Variants in TRPM3 observed in about 807,000 individuals in gnomAD.
TRPM3 encodes transient receptor potential cation channel subfamily M member 3.
In TRPM3, 77 loss-of-function variants were observed where a neutral mutation model predicts 181.2. That is an observed-to-expected ratio of 0.42 (90% CI 0.35 to 0.51). TRPM3 has a LOEUF of 0.51. Ranked by LOEUF, TRPM3 falls within the 20% of genes least tolerant of loss-of-function variation. TRPM3 has a pLI of 0.01. For synonymous variants in TRPM3, 745 were observed against 796.4 expected, an observed-to-expected ratio of 0.94 and a Z score of 1.09; for missense variants, 1,759 against 2,196.7, an observed-to-expected ratio of 0.80 and a Z score of 3.98.
At chr9:71,231,069 TACAATATACAC>T (rs1437294974) in intron 1 of TRPM3, among the ~76,000 whole-genome samples, 1 of 152,194 alleles carries the variant, frequency 6.6e-6, no homozygotes, top group Non-Finnish European at 1.5e-5. Context: ...TACTTTGACA[TACAATATACAC>T]ACAATATACA....
chr9:71,388,148 G>A (rs1044790797), intron 1 of TRPM3, among the ~76,000 whole-genome samples: 2 of 152,088 alleles, frequency 1.3e-5, no homozygotes, highest in Non-Finnish European at 2.9e-5. Flanking sequence ...AAAGAGGAAC[G>A]ACCAGTTATA....
chr9:71,345,250 A>C (rs1363230920), intron 1 of TRPM3, among the ~76,000 whole-genome samples: 1 of 152,232 alleles, frequency 6.6e-6, no homozygotes, highest in Non-Finnish European at 1.5e-5. Flanking sequence ...GTATATGCCC[A>C]AAGGATTACA....
At chr9:70,657,038 G>A (rs531187136) in intron 9 of TRPM3, among the ~76,000 whole-genome samples, 14 of 151,514 alleles carry the variant, frequency 9.2e-5, no homozygotes, top group Admixed American at 2.6e-4. Flanking sequence ...AAAGAGGGAC[G>A]TTCAGGACAA....
At chr9:70,691,364 T>C (rs1269464472) in intron 8 of TRPM3, among the ~76,000 whole-genome samples, 1 of 130,584 alleles carries the variant, frequency 7.7e-6, no homozygotes, top group Non-Finnish European at 1.7e-5. Flanking sequence ...AAGGATATTT[T>C]ATTTTACAAT....
intron 1 of TRPM3, among the ~76,000 whole-genome samples, chr9:71,189,005 T>C (rs2077850365): frequency 6.6e-6 from 1 of 151,888 alleles, no homozygotes; most frequent in Non-Finnish European, 1.5e-5. Context: ...AAGACATTGA[T>C]TGTTCTCATT....
intron 1 of TRPM3, among the ~76,000 whole-genome samples, chr9:71,174,839 C>T (rs892275171): frequency 2.0e-5 from 3 of 152,034 alleles, no homozygotes; most frequent in African/African-American, 7.2e-5. Flanking sequence ...GAGGGCCACA[C>T]ATTAAGTATG....
chr9:70,604,936 G>A (rs2132826489), intron 19 of TRPM3, among the ~76,000 whole-genome samples: 1 of 145,442 alleles, frequency 6.9e-6, no homozygotes, highest in African/African-American at 2.6e-5. Flanking sequence ...ATAGGCATGA[G>A]CCACCATGCT....
intron 1 of TRPM3, among the ~76,000 whole-genome samples, chr9:71,406,004 G>T (rs147562479): frequency 6.6e-6 from 1 of 152,122 alleles, no homozygotes; most frequent in African/African-American, 2.4e-5. Context: ...GGCTGGGCAC[G>T]GTGGCTCACA....
chr9:71,366,639 C>A (rs2092344712), intron 1 of TRPM3, among the ~76,000 whole-genome samples: 1 of 152,154 alleles, frequency 6.6e-6, no homozygotes, highest in South Asian at 2.1e-4. Flanking sequence ...CAATCTCCTG[C>A]TAATAATTTG....
chr9:71,374,369 G>A (rs2092610156), intron 1 of TRPM3, among the ~76,000 whole-genome samples: 1 of 151,608 alleles, frequency 6.6e-6, no homozygotes. Flanking sequence ...GAGACTCCGT[G>A]TCAAAAAAAC....
chr9:71,016,258 GTATC>G (rs58773033), intron 1 of TRPM3, among the ~76,000 whole-genome samples: 8 of 89,112 alleles, frequency 9.0e-5, no homozygotes, highest in African/African-American at 3.9e-4. Context: ...GTGTGTGTGT[GTATC>G]TGTGTGTGTA....
chr9:70,620,436 A>AT, intron 15 of TRPM3, 71 bp from the exon 16 acceptor site: 1 of 1,492,490 alleles, frequency 6.7e-7, no homozygotes, highest in African/African-American at 1.4e-5. Context: ...TAGCAGTTGT[A>AT]TATCTTCTCC....
chr9:70,607,231 A>C (rs1284312548), intron 19 of TRPM3, among the ~76,000 whole-genome samples: 1 of 152,158 alleles, frequency 6.6e-6, no homozygotes, highest in Non-Finnish European at 1.5e-5. Flanking sequence ...GAAACTTGGG[A>C]GAGTAGGAGA....
At chr9:71,376,407 G>A (rs2092668355) in intron 1 of TRPM3, among the ~76,000 whole-genome samples, 1 of 151,934 alleles carries the variant, frequency 6.6e-6, no homozygotes, top group African/African-American at 2.4e-5. Flanking sequence ...ATGTATCATT[G>A]CTTTCATAAT....
intron 1 of TRPM3, among the ~76,000 whole-genome samples, chr9:71,344,388 T>C (rs1030963865): frequency 6.6e-6 from 1 of 151,710 alleles, no homozygotes; most frequent in African/African-American, 2.4e-5. Context: ...GAGGTGGAGG[T>C]TGCAGTGAGC....
chr9:71,038,950 G>T (rs1389849631), intron 1 of TRPM3, among the ~76,000 whole-genome samples: 1 of 152,120 alleles, frequency 6.6e-6, no homozygotes, highest in African/African-American at 2.4e-5. Context: ...TGGTAAAACA[G>T]TATCACTATT....
intron 1 of TRPM3, among the ~76,000 whole-genome samples, chr9:70,907,729 C>T (rs1405487572): frequency 6.6e-6 from 1 of 152,164 alleles, no homozygotes; most frequent in Non-Finnish European, 1.5e-5. Context: ...TCAGGATCCT[C>T]AGTGTCCACT....
At chr9:70,587,998 CCT>C (rs1478254678) in intron 22 of TRPM3, among the ~76,000 whole-genome samples, 1 of 152,182 alleles carries the variant, frequency 6.6e-6, no homozygotes, top group Non-Finnish European at 1.5e-5. Flanking sequence ...CTCTCACTCT[CCT>C]CTGCTTCCAA....
intron 1 of TRPM3, among the ~76,000 whole-genome samples, chr9:71,301,868 C>T (rs984930313): frequency 6.6e-6 from 1 of 152,092 alleles, no homozygotes; most frequent in African/African-American, 2.4e-5. Context: ...ATAGTAGATG[C>T]TTCATAAATA....
Sources: gnomAD v4.1 joint callset for allele counts (sites outside exome capture counted in the v4.1 genomes callset) on GRCh38, gnomAD v4.1.1 for gene constraint, MANE v1.5 for transcripts, NCBI Gene and HGNC (gene_info 2026-07-23, HGNC 2026-07-21) for gene names.